Variants in RIMS1 observed in about 807,000 individuals in gnomAD.
RIMS1 encodes the protein regulating synaptic membrane exocytosis 1, also known as regulating synaptic membrane exocytosis protein 1.
RIMS1 carries 83 observed loss-of-function variants against 214.1 expected under a neutral mutation model. The ratio of observed to expected loss-of-function variants is 0.39; its 90% confidence interval spans 0.32 to 0.47. The LOEUF (loss-of-function observed/expected upper bound fraction) is 0.47, where lower values mean the gene tolerates loss of function less well. Ranked by LOEUF, RIMS1 falls within the 20% of genes least tolerant of loss-of-function variation. RIMS1 has a pLI of 0.99. For missense variants in RIMS1, 2,050 were observed against 2,161.8 expected (o/e 0.95, Z 1.03); for synonymous variants, 793 against 786.8 (o/e 1.01, Z -0.13).
chr6:72,158,583 T>G (rs1451986335), intron 4 of RIMS1, among the ~76,000 whole-genome samples: 1 of 81,694 alleles, frequency 1.2e-5, no homozygotes, highest in African/African-American at 4.2e-5. Context: ...CAACAGGCCC[T>G]GGTGTGTGAT....
At chr6:71,970,115 C>T (rs577192484) in intron 2 of RIMS1, among the ~76,000 whole-genome samples, 2 of 152,032 alleles carry the variant, frequency 1.3e-5, no homozygotes, top group Non-Finnish European at 2.9e-5. Flanking sequence ...GGTTTTACCC[C>T]AATAAGTATA....
chr6:72,278,505 C>T (rs1055909925), intron 23 of RIMS1, among the ~76,000 whole-genome samples: 1 of 152,030 alleles, frequency 6.6e-6, no homozygotes. Flanking sequence ...TATTCTGGGA[C>T]AAACAAATCA....
chr6:71,920,435 C>T lies in RIMS1; in HGVS notation c.164+33248C>T, dbSNP rs994483444. ...CTCTTTACTATCTTTATAACTTTTT[C>T]GTAAACCTAAAATTATTACAAAATA... On this transcript the variant is annotated intron_variant, in intron 1 of 33. Coordinates refer to ENST00000521978, the MANE Select transcript of RIMS1 (RefSeq NM_014989.7). Among the ~76,000 whole-genome samples, 16 of 152,038 alleles carry T rather than the reference C, an allele frequency of 1.1e-4. No individual in the cohort carries two copies. In the East Asian group the frequency reaches 1.4e-3, roughly 13 times the overall value.
intron 29 of RIMS1, among the ~76,000 whole-genome samples, chr6:72,339,504 A>G (rs908366127): frequency 1.3e-5 from 2 of 151,736 alleles, no homozygotes; most frequent in Admixed American, 6.6e-5. Flanking sequence ...TCATTGTTCA[A>G]TTCCCAGCTG....
intron 2 of RIMS1, among the ~76,000 whole-genome samples, chr6:72,033,997 C>T (rs1818889129): frequency 6.6e-6 from 1 of 152,054 alleles, no homozygotes; most frequent in Non-Finnish European, 1.5e-5. Context: ...GTTGGGTAGG[C>T]ACAGATGTCT....
chr6:71,976,176 A>G (rs972471320), intron 2 of RIMS1, among the ~76,000 whole-genome samples: 1 of 152,128 alleles, frequency 6.6e-6, no homozygotes, highest in Non-Finnish European at 1.5e-5. Context: ...ATTCCTATCA[A>G]TAAGAGAATT....
At chr6:72,346,658 G>A (rs771832442) in intron 29 of RIMS1, among the ~76,000 whole-genome samples, 19 of 151,682 alleles carry the variant, frequency 1.3e-4, no homozygotes, top group Non-Finnish European at 1.2e-4. Flanking sequence ...CTGGCTTAGA[G>A]TCTGGTTTTT....
chr6:72,331,840 T>G (rs1202860702), intron 28 of RIMS1, among the ~76,000 whole-genome samples: 1 of 151,828 alleles, frequency 6.6e-6, no homozygotes, highest in Non-Finnish European at 1.5e-5. Flanking sequence ...TAAGAATCAT[T>G]TATTATTATC....
intron 29 of RIMS1, among the ~76,000 whole-genome samples, chr6:72,347,487 A>G (rs1237480814): frequency 1.3e-5 from 2 of 151,898 alleles, no homozygotes; most frequent in Admixed American, 1.3e-4. Flanking sequence ...TATAGATATG[A>G]ACTTATTTTA....
intron 1 of RIMS1, among the ~76,000 whole-genome samples, chr6:71,940,341 C>A (rs1432689284): frequency 6.6e-6 from 1 of 152,146 alleles, no homozygotes; most frequent in Non-Finnish European, 1.5e-5. Context: ...ACAGGGTTCA[C>A]ACATGGAGTC....
intron 2 of RIMS1, among the ~76,000 whole-genome samples, chr6:71,976,908 G>C (rs1797285755): frequency 6.6e-6 from 1 of 152,042 alleles, no homozygotes; most frequent in African/African-American, 2.4e-5. Flanking sequence ...TCAATTAAAA[G>C]ATTAAACAAA....
At position 71,886,598 on chromosome 6, in the gene RIMS1, C is replaced by CGCCCCAGCCCCA. The variant is rs1301608037; in HGVS notation, c.-419_-418insCCCCAGCCCCAG. ...GAGCAGCCTCCACGGCGGCAGCGGC[C>CGCCCCAGCCCCA]GCCCCAGTCCCAGCCCCAGCCCCAG... On this transcript the variant is annotated 5_prime_UTR_variant, in exon 1 of 34. Transcript: ENST00000521978. The CGCCCCAGCCCCA allele has an allele frequency of 3.3e-5, 5 of 150,496 alleles. No individual in the cohort carries two copies. Among genetic ancestry groups the CGCCCCAGCCCCA allele is most frequent in the African/African-American group, 7.3e-5 (3 of 41,236 alleles). 9.3% of individuals were successfully genotyped at this position (150,496 alleles called of 1,614,324 possible).
At chr6:72,161,513 T>A (rs1279697879) in intron 4 of RIMS1, among the ~76,000 whole-genome samples, 1 of 140,618 alleles carries the variant, frequency 7.1e-6, no homozygotes, top group Non-Finnish European at 1.6e-5. Flanking sequence ...CTGCTTTCTC[T>A]TGTGGGCATT....
intron 2 of RIMS1, among the ~76,000 whole-genome samples, chr6:72,083,276 T>C (rs1285507819): frequency 2.0e-5 from 3 of 152,210 alleles, no homozygotes; most frequent in Admixed American, 6.5e-5. Context: ...AGTGCAGTGA[T>C]AATACTAATG....
chr6:72,388,966 A>G (rs1217453808), intron 29 of RIMS1, among the ~76,000 whole-genome samples: 1 of 152,302 alleles, frequency 6.6e-6, no homozygotes, highest in East Asian at 1.9e-4. Flanking sequence ...GGAAAGGTTA[A>G]GACCTTGATG....
At chr6:72,169,071 T>C (rs1325272621) in intron 4 of RIMS1, among the ~76,000 whole-genome samples, 1 of 152,198 alleles carries the variant, frequency 6.6e-6, no homozygotes, top group African/African-American at 2.4e-5. Flanking sequence ...AGTGGCCATA[T>C]ATAGTAAATA....
chr6:71,956,952 T>A (rs1583460696), intron 1 of RIMS1, among the ~76,000 whole-genome samples: 1 of 152,180 alleles, frequency 6.6e-6, no homozygotes, highest in East Asian at 1.9e-4. Flanking sequence ...TTTAAAAGCT[T>A]CTTTAGATAT....
At chr6:72,075,763 A>G (rs1020778453) in intron 2 of RIMS1, among the ~76,000 whole-genome samples, 6 of 152,244 alleles carry the variant, frequency 3.9e-5, no homozygotes, top group African/African-American at 1.4e-4. Flanking sequence ...ACAGATATTC[A>G]GTCCATAACA....
chr6:72,059,715 C>T (rs1827343584), intron 2 of RIMS1, among the ~76,000 whole-genome samples: 1 of 152,210 alleles, frequency 6.6e-6, no homozygotes. Context: ...TAGTGGTGGT[C>T]CTGTTAAAAA....
Sources: allele counts gnomAD v4.1 joint callset (sites outside exome capture counted in the v4.1 genomes callset), GRCh38; gene constraint gnomAD v4.1.1; transcripts MANE v1.5; gene names NCBI Gene and HGNC (gene_info 2026-07-23, HGNC 2026-07-21).